The following MYO3B variants were observed in gnomAD, a reference collection of about 807,000 sequenced individuals.
The protein encoded by MYO3B is myosin IIIB.
A neutral mutation model predicts 174.6 loss-of-function variants in MYO3B; 156 were observed. The observed-to-expected ratio is 0.89, with a 90% CI of 0.78 to 1.02. The LOEUF is 1.02. Among genes scored for constraint, MYO3B ranks in the 50% least tolerant of loss-of-function variants. MYO3B has a pLI of 0.00. For missense variants in MYO3B, 1,632 were observed against 1,639.4 expected (o/e 1.00, Z 0.08); for synonymous variants, 563 against 569.1 (o/e 0.99, Z 0.15).
intron 9 of MYO3B, among the ~76,000 whole-genome samples, chr2:170,381,063 G>A (rs1292877009): frequency 1.3e-5 from 2 of 152,208 alleles, no homozygotes; most frequent in African/African-American, 4.8e-5. Context: ...TGAGGCTGCA[G>A]TGAGCTATGA....
chr2:170,248,940 G>C (rs551550188), intron 7 of MYO3B, among the ~76,000 whole-genome samples: 83 of 152,322 alleles, frequency 5.4e-4, no homozygotes, highest in African/African-American at 1.9e-3. Flanking sequence ...ACCTTCAAGA[G>C]CGTGCTCCTT....
intron 23 of MYO3B, among the ~76,000 whole-genome samples, chr2:170,453,535 A>G (rs1294940131): frequency 6.6e-6 from 1 of 151,948 alleles, no homozygotes; most frequent in East Asian, 1.9e-4. Flanking sequence ...TTGACAGCAT[A>G]CCAGGTACCA....
At chr2:170,325,531 A>C (rs1455298823) in intron 7 of MYO3B, among the ~76,000 whole-genome samples, 1 of 151,998 alleles carries the variant, frequency 6.6e-6, no homozygotes, top group Non-Finnish European at 1.5e-5. Flanking sequence ...CTTTATATTA[A>C]ATTTTCTTTG....
At chr2:170,554,274 G>A (rs1189013444) in intron 32 of MYO3B, among the ~76,000 whole-genome samples, 1 of 152,190 alleles carries the variant, frequency 6.6e-6, no homozygotes, top group East Asian at 1.9e-4. Context: ...CTCTCTGAAG[G>A]AACTCTGTGG....
At chr2:170,233,251 A>T (rs1005510194) in intron 6 of MYO3B, among the ~76,000 whole-genome samples, 1 of 152,170 alleles carries the variant, frequency 6.6e-6, no homozygotes, top group Non-Finnish European at 1.5e-5. Context: ...GGGCATTTAT[A>T]GTTGTCATGG....
intron 22 of MYO3B, among the ~76,000 whole-genome samples, chr2:170,410,312 T>C (rs887697382): frequency 2.0e-5 from 3 of 152,096 alleles, no homozygotes; most frequent in Non-Finnish European, 4.4e-5. Context: ...ACGCCTGTAA[T>C]CCCAGCACTT....
At chr2:170,299,811 G>A (rs1217505047) in intron 7 of MYO3B, among the ~76,000 whole-genome samples, 1 of 152,138 alleles carries the variant, frequency 6.6e-6, no homozygotes, top group African/African-American at 2.4e-5. Flanking sequence ...CGTGGGCAAG[G>A]GCAGTAAGAA....
intron 32 of MYO3B, among the ~76,000 whole-genome samples, chr2:170,638,000 T>G (rs1697653437): frequency 6.6e-6 from 1 of 152,190 alleles, no homozygotes; most frequent in Non-Finnish European, 1.5e-5. Context: ...TTTTACATCT[T>G]ATTAATTAAA....
chr2:170,651,263 A>T (rs1274587857), intron 32 of MYO3B, among the ~76,000 whole-genome samples: 1 of 152,156 alleles, frequency 6.6e-6, no homozygotes, highest in Non-Finnish European at 1.5e-5. Context: ...ATGTGGTGCA[A>T]ACAATCCCAG....
rs117891915 is a variant in MYO3B, at chr2:170,377,273, A to G, written c.972-4743A>G. 3.3e-5 allele frequency among the ~76,000 whole-genome samples: 5 copies of G among 152,368 alleles called. No individual in the cohort carries two copies. In the East Asian group the frequency reaches 7.7e-4, roughly 23 times the overall value. On this transcript the variant is annotated intron_variant, in intron 9 of 34. Coordinates refer to ENST00000408978, the MANE Select transcript of MYO3B (RefSeq NM_138995.5). ...CTGCAACACTTTAGGAGTTTATTTC[A>G]TGAGAATAATTCTTCTAGTGTTTAA...
intron 8 of MYO3B, among the ~76,000 whole-genome samples, chr2:170,347,656 G>A (rs911811521): frequency 1.3e-5 from 2 of 152,178 alleles, no homozygotes; most frequent in African/African-American, 4.8e-5. Context: ...ACAGCTGGCA[G>A]AGCTATCATT....
At chr2:170,367,186 C>G (rs1437029723) in intron 8 of MYO3B, among the ~76,000 whole-genome samples, 1 of 152,188 alleles carries the variant, frequency 6.6e-6, no homozygotes, top group African/African-American at 2.4e-5. Flanking sequence ...TTCATTCTTT[C>G]TTTTCAATGA....
intron 8 of MYO3B, among the ~76,000 whole-genome samples, chr2:170,355,272 CT>C (rs2094111650): frequency 6.6e-6 from 1 of 152,146 alleles, no homozygotes; most frequent in African/African-American, 2.4e-5. Flanking sequence ...TTTTTCCAGA[CT>C]TTTTAGTGTG....
chr2:170,386,129 A>G, intron 12 of MYO3B, 60 bp from the exon 13 acceptor site: 1 of 1,397,012 alleles, frequency 7.2e-7, no homozygotes, highest in Non-Finnish European at 1.0e-6. Context: ...TGTTATATGA[A>G]GCATGCAAGT....
chr2:170,546,169 A>G (rs1690468857), intron 32 of MYO3B, among the ~76,000 whole-genome samples: 1 of 152,126 alleles, frequency 6.6e-6, no homozygotes. Context: ...CCATTCTTCA[A>G]GGTCCACAAT....
At chr2:170,555,844 C>T (rs954796775) in intron 32 of MYO3B, among the ~76,000 whole-genome samples, 1 of 151,248 alleles carries the variant, frequency 6.6e-6, no homozygotes, top group Admixed American at 6.6e-5. Context: ...TGCACTCCAG[C>T]CTAGGCAGTA....
intron 22 of MYO3B, among the ~76,000 whole-genome samples, chr2:170,442,334 T>G (rs892763743): frequency 6.6e-6 from 1 of 152,188 alleles, no homozygotes; most frequent in Non-Finnish European, 1.5e-5. Context: ...TAGAGCTGTA[T>G]CATTATGGTT....
intron 21 of MYO3B, among the ~76,000 whole-genome samples, chr2:170,406,217 T>C (rs2094508389): frequency 6.6e-6 from 1 of 152,188 alleles, no homozygotes; most frequent in South Asian, 2.1e-4. Context: ...AACCACAAGT[T>C]CCTTGCTTAT....
intron 32 of MYO3B, among the ~76,000 whole-genome samples, chr2:170,564,292 G>A (rs1404652075): frequency 1.3e-5 from 2 of 152,114 alleles, no homozygotes; most frequent in Non-Finnish European, 2.9e-5. Flanking sequence ...GGCCAACATG[G>A]TGAAACCCCA....
Sources: gnomAD v4.1 joint callset for allele counts (sites outside exome capture counted in the v4.1 genomes callset) on GRCh38, gnomAD v4.1.1 for gene constraint, MANE v1.5 for transcripts, NCBI Gene and HGNC (gene_info 2026-07-23, HGNC 2026-07-21) for gene names.